The following USP15 variants were observed in gnomAD, a reference collection of about 807,000 sequenced individuals.
USP15 encodes the protein ubiquitin specific peptidase 15.
Under a neutral mutation model 127.1 loss-of-function variants are expected in USP15, and 18 were observed. The ratio of observed to expected loss-of-function variants is 0.14; its 90% confidence interval spans 0.10 to 0.21. The LOEUF (loss-of-function observed/expected upper bound fraction) is 0.21, where lower values mean the gene tolerates loss of function less well. USP15 is among the 10% of genes least tolerant of loss of function. The pLI is 1.00. For synonymous variants in USP15, 364 were observed against 393.7 expected (o/e 0.92, Z 0.89); for missense variants, 805 against 1,159.9 (o/e 0.69, Z 4.44).
intron 21 of USP15, among the ~76,000 whole-genome samples, chr12:62,401,480 T>G (rs569439176): frequency 1.3e-5 from 2 of 152,012 alleles, no homozygotes; most frequent in African/African-American, 2.4e-5. Context: ...AACAAAAGCA[T>G]AAATTGCAAG....
rs1209952638 is a variant in USP15, at chr12:62,355,340, C to T, written c.780C>T (p.Asn260=). The change falls in exon 8 of 22, where the codon AAC becomes AAT. Residue 260 remains asparagine (N), a synonymous_variant. Transcript: ENST00000280377. ...YNNMNNRNVK[N]SNYCLPSYTA... Reference sequence around the variant, plus strand: ...ATTTTTTTTCTTCCAGTGTGAAAAACTCAAATTACTGTCTTCCATCATATA... The same window carrying T: ...ATTTTTTTTCTTCCAGTGTGAAAAATTCAAATTACTGTCTTCCATCATATA... The T allele has an allele frequency of 6.3e-7, 1 of 1,586,114 alleles. No homozygotes were observed.
At chr12:62,396,876 G>A (rs2067508065) in intron 20 of USP15, among the ~76,000 whole-genome samples, 1 of 152,076 alleles carries the variant, frequency 6.6e-6, no homozygotes, top group Admixed American at 6.6e-5. Context: ...CCTCATGATA[G>A]ACATCTAAAT....
intron 8 of USP15, among the ~76,000 whole-genome samples, chr12:62,368,469 C>T (rs1018788460): frequency 3.3e-5 from 5 of 152,146 alleles, no homozygotes; most frequent in Non-Finnish European, 7.4e-5. Context: ...TCTCTAAGAA[C>T]TTGCTTTATG....
At chr12:62,308,229 G>A (rs2137222963) in intron 3 of USP15, among the ~76,000 whole-genome samples, 1 of 151,994 alleles carries the variant, frequency 6.6e-6, no homozygotes. Context: ...GACTAGTTGG[G>A]GCCTTTGGAA....
intron 5 of USP15, 87 bp from the exon 6 acceptor site, chr12:62,325,785 A>T: frequency 2.8e-6 from 3 of 1,066,110 alleles, no homozygotes; most frequent in Non-Finnish European, 4.1e-6. Flanking sequence ...GAGTTACTTT[A>T]GTTTCTTAGT....
chr12:62,261,653 A>G lies in USP15; in HGVS notation c.89+1150A>G, dbSNP rs139684613. ...ACAGTAATTTTATTATAAGGATTTT[A>G]TCTTGATTCGTTTTAATATCTTAAG... is the stretch of plus-strand genomic sequence containing the variant. On this transcript the variant is annotated intron_variant, in intron 1 of 21. Transcript: ENST00000280377. Among the ~76,000 whole-genome samples, 292 of 152,312 alleles carry G rather than the reference A, an allele frequency of 1.9e-3. 3 individuals are homozygous for G. Among genetic ancestry groups the G allele is most frequent in the African/African-American group, 6.8e-3 (281 of 41,586 alleles).
chr12:62,327,765 A>G, intron 6 of USP15: 1 of 365,726 alleles, frequency 2.7e-6, no homozygotes, highest in Non-Finnish European at 5.2e-6. Flanking sequence ...CATGCAATAA[A>G]TATTGGTGAA....
Position 62,391,232 on chromosome 12 carries a change from A to G in USP15, c.2036A>G (p.Gln679Arg), listed in dbSNP as rs774746776. ...QELPSENENS[Q>R]SEDSVGGDND... ...CTTCCCTCAGAGAATGAAAACAGTC[A>G]GTCTGAAGATTCAGTTGGAGGAGAT... Residue 679 changes from glutamine to arginine, a missense_variant, in exon 16 of 22, where the codon CAG becomes CGG. By Grantham distance (43) the Gln-to-Arg change is conservative. This residue lies in a region of USP15 where 225 missense variants were observed against 239.5 expected (regional missense o/e 0.94). Transcript: ENST00000280377. 6.2e-7 allele frequency: 1 copy of G among 1,613,738 alleles called. No homozygotes were observed.
chr12:62,320,136 C>T (rs2064944253), intron 4 of USP15, among the ~76,000 whole-genome samples: 1 of 152,164 alleles, frequency 6.6e-6, no homozygotes, highest in African/African-American at 2.4e-5. Context: ...TAAGGCTTGG[C>T]TATGTGTTCC....
At chr12:62,390,037 T>C in intron 14 of USP15, 49 bp downstream of exon 14, 1 of 1,452,238 alleles carries the variant, frequency 6.9e-7, no homozygotes. Context: ...GGGAATAAAA[T>C]ATAAAATAGC....
chr12:62,343,929 C>T (rs1054992962), intron 6 of USP15, among the ~76,000 whole-genome samples: 2 of 152,230 alleles, frequency 1.3e-5, no homozygotes, highest in South Asian at 2.1e-4. Flanking sequence ...GGAAAAGACT[C>T]GCCTCCATGA....
intron 8 of USP15, among the ~76,000 whole-genome samples, chr12:62,380,145 G>A (rs367908319): frequency 6.6e-6 from 1 of 151,742 alleles, no homozygotes; most frequent in African/African-American, 2.4e-5. Context: ...TTATATAATC[G>A]TAAATTCCAT....
chr12:62,261,207 G>A (rs2063044824), intron 1 of USP15, among the ~76,000 whole-genome samples: 1 of 152,072 alleles, frequency 6.6e-6, no homozygotes, highest in Non-Finnish European at 1.5e-5. Context: ...GATAATGTAG[G>A]CCTGCAAAAA....
At chr12:62,355,271 C>A in intron 7 of USP15, 60 bp from the exon 8 acceptor site, 2 of 1,411,894 alleles carry the variant, frequency 1.4e-6, no homozygotes, top group South Asian at 1.5e-5. Flanking sequence ...CTAAAGTACT[C>A]TTTATTATAA....
chr12:62,331,762 TGTA>T (rs776081876), intron 6 of USP15, among the ~76,000 whole-genome samples: 16 of 152,144 alleles, frequency 1.1e-4, no homozygotes, highest in Non-Finnish European at 1.8e-4. Context: ...ATTTAAAACA[TGTA>T]GTCATTTAGT....
chr12:62,327,747 AC>A (rs2137309484), intron 6 of USP15: 1 of 390,114 alleles, frequency 2.6e-6, no homozygotes, highest in Non-Finnish European at 4.9e-6. Context: ...TACCCAACAC[AC>A]CATACTCATG....
chr12:62,391,578 G>A, intron 16 of USP15, 149 bp downstream of exon 16: 1 of 1,064,372 alleles, frequency 9.4e-7, no homozygotes, highest in African/African-American at 1.6e-5. Flanking sequence ...TAATATCTAA[G>A]TAGACTAAAA....
intron 3 of USP15, chr12:62,304,549 T>C (rs755904896): frequency 3.4e-5 from 9 of 266,718 alleles, no homozygotes; most frequent in Non-Finnish European, 6.2e-5. Flanking sequence ...AGCCCAACTT[T>C]CAATGTTACC....
At chr12:62,396,455 T>C in intron 20 of USP15, 57 bp downstream of exon 20, 1 of 1,426,032 alleles carries the variant, frequency 7.0e-7, no homozygotes, top group Non-Finnish European at 9.9e-7. Context: ...ACTCCAGACT[T>C]TTTTCTTTAA....
Sources: allele counts gnomAD v4.1 joint callset (sites outside exome capture counted in the v4.1 genomes callset), GRCh38; gene constraint gnomAD v4.1.1; regional missense constraint gnomAD v4.1.1; transcripts MANE v1.5; gene names NCBI Gene and HGNC (gene_info 2026-07-23, HGNC 2026-07-21).